The following SLU7 variants were observed in gnomAD, a reference collection of about 807,000 sequenced individuals.
SLU7 encodes spliceosome associated SLU7, also known as pre-mRNA-splicing factor SLU7.
Under a neutral mutation model 87.0 loss-of-function variants are expected in SLU7, and 60 were observed. The observed-to-expected ratio is 0.69, with a 90% CI of 0.56 to 0.86. The LOEUF (loss-of-function observed/expected upper bound fraction) is 0.86, where lower values mean the gene tolerates loss of function less well. Ranked by LOEUF, SLU7 falls within the 40% of genes least tolerant of loss-of-function variation. The probability of loss-of-function intolerance (pLI) is 0.00; values close to 1 mark genes in which losing one functional copy is unlikely to be tolerated. For missense variants in SLU7, 507 were observed against 686.6 expected (o/e 0.74, Z 2.92); for synonymous variants, 197 against 222.0 (o/e 0.89, Z 1.00).
rs756830938 is a variant in SLU7, at chr5:160,404,502, T to G, written c.1519A>C (p.Lys507Gln). The G allele has an allele frequency of 2.6e-5, 42 of 1,611,808 alleles. No homozygotes were observed. The highest frequency in any genetic ancestry group is 6.7e-5 in the Admixed American group (4 of 59,902). The change falls in exon 15 of 16, where the codon AAG (lysine) becomes CAG (glutamine). Residue 507 changes from lysine (K) to glutamine (Q), a missense_variant. By Grantham distance (53) the Lys-to-Gln change is moderately conservative. This residue lies in a region of SLU7 where 201 missense variants were observed against 213.4 expected (regional missense o/e 0.94). Coordinates refer to ENST00000297151, the MANE Select transcript of SLU7 (RefSeq NM_006425.5). ...CTATCTGAACTGCTCTTTCGATGCT[T>G]CTTCTTTTTCTTTTTCTTCTTCTTC... ...EKKKKKKKKK[K>Q]HRKSSSDSDD...
At chr5:160,412,890 T>C (rs1359945254) in intron 5 of SLU7, among the ~76,000 whole-genome samples, 2 of 152,012 alleles carry the variant, frequency 1.3e-5, no homozygotes, top group East Asian at 3.9e-4. Context: ...CAAGAAAAGA[T>C]GAAATCCAGA....
Position 160,415,301 on chromosome 5 carries a change from C to T in SLU7, c.-7G>A, listed in dbSNP as rs749609156. 17 of 1,559,366 alleles carry T rather than the reference C, an allele frequency of 1.1e-5. No homozygotes were observed. The highest frequency in any genetic ancestry group is 1.7e-4 in the Middle Eastern group (1 of 5,862). On this transcript the variant is annotated 5_prime_UTR_variant, in exon 2 of 16. Transcript: ENST00000297151. ...CTACAACTGTGGCTGACATGGTTAT[C>T]TGGCCTCCTCTAGGAAAAGAAGTGA...
At chr5:160,411,411 G>A (rs999611248) in intron 6 of SLU7, among the ~76,000 whole-genome samples, 1 of 151,904 alleles carries the variant, frequency 6.6e-6, no homozygotes, top group Non-Finnish European at 1.5e-5. Flanking sequence ...TAAAGATGAG[G>A]TTTCACCATG....
intron 1 of SLU7, among the ~76,000 whole-genome samples, chr5:160,415,623 G>A (rs1561564805): frequency 6.6e-6 from 1 of 152,058 alleles, no homozygotes; most frequent in African/African-American, 2.4e-5. Flanking sequence ...AACTCTTAAT[G>A]AGAGAAAAGA....
In SLU7 at chr5:160,408,643, G is replaced by GT. The variant is rs1765105257; in HGVS notation, c.687+6dup. On this transcript the variant is annotated splice_region_variant and intron_variant, in intron 7 of 15. Coordinates refer to ENST00000297151, the MANE Select transcript of SLU7 (RefSeq NM_006425.5). ...ACATATACTCAGAGACAGCAAATAT[G>GT]TATTACCATCTGAGAATTTGGTTCC... The GT allele has an allele frequency of 2.0e-6, 3 of 1,534,858 alleles. No individual in the cohort carries two copies. In the South Asian group the frequency reaches 3.5e-5, roughly 18 times the overall value.
rs988445039 is a variant in SLU7, at chr5:160,412,853, C to T, written c.571-334G>A. On this transcript the variant is annotated intron_variant, in intron 5 of 15. Coordinates refer to ENST00000297151, the MANE Select transcript of SLU7 (RefSeq NM_006425.5). Reference sequence around the variant, plus strand: ...AGATGACTGACTCTTACCAGGCAGGCGTGGGGTTACCATATATTACAATAT... The same window carrying T: ...AGATGACTGACTCTTACCAGGCAGGTGTGGGGTTACCATATATTACAATAT... 5.3e-5 allele frequency among the ~76,000 whole-genome samples: 8 copies of T among 151,756 alleles called. No homozygotes were observed. In the South Asian group the frequency reaches 6.2e-4, roughly 12 times the overall value.
At chr5:160,418,353 G>C (rs1765541916) in intron 1 of SLU7, among the ~76,000 whole-genome samples, 1 of 152,102 alleles carries the variant, frequency 6.6e-6, no homozygotes, top group Non-Finnish European at 1.5e-5. Context: ...TAAGAAATAA[G>C]GACTTCAAAC....
At chr5:160,410,643 G>T (rs759365080) in intron 6 of SLU7, among the ~76,000 whole-genome samples, 1 of 152,032 alleles carries the variant, frequency 6.6e-6, no homozygotes, top group Non-Finnish European at 1.5e-5. Context: ...CCTTACTGGG[G>T]AAATAAATTA....
In SLU7 at chr5:160,402,442, A is replaced by C. The variant is rs1764821044; in HGVS notation, c.*843T>G. ...GAAGAGAGAATCGCTTGAGCCCAAG[A>C]CTGCAGGGCATTATGACTTTGTCTG... On this transcript the variant is annotated 3_prime_UTR_variant, in exon 16 of 16. Coordinates refer to ENST00000297151, the MANE Select transcript of SLU7 (RefSeq NM_006425.5). 6.6e-6 allele frequency: 1 copy of C among 152,194 alleles called. No homozygotes were observed. The highest frequency in any genetic ancestry group is 6.5e-5 in the Admixed American group (1 of 15,282). The allele number at this position is 152,194 out of a possible 1,614,324, so 9.4% of individuals were successfully genotyped here. A position where few individuals can be genotyped will look rare whatever the true frequency, so the allele number is the denominator to read the frequency against.
At chr5:160,413,835 T>G in intron 4 of SLU7, 64 bp downstream of exon 4, 2 of 1,209,648 alleles carry the variant, frequency 1.7e-6, no homozygotes, top group Non-Finnish European at 2.4e-6. Context: ...AGAAGTTAGC[T>G]CTCTGACAAA....
chr5:160,414,027 T>C (rs1288833062), intron 3 of SLU7, 48 bp from the exon 4 acceptor site: 2 of 1,174,576 alleles, frequency 1.7e-6, no homozygotes, highest in Admixed American at 2.4e-5. Context: ...CCACGTAAGT[T>C]AGAAATAACT....
chr5:160,404,651 A>C (rs906774748), intron 14 of SLU7, 95 bp from the exon 15 acceptor site: 39 of 953,160 alleles, frequency 4.1e-5, no homozygotes, highest in Non-Finnish European at 5.3e-5. Flanking sequence ...ACTTGAACCC[A>C]GGAGGCGGAA....
At chr5:160,405,819 C>G (rs1387084732) in intron 12 of SLU7, among the ~76,000 whole-genome samples, 1 of 152,068 alleles carries the variant, frequency 6.6e-6, no homozygotes, top group Non-Finnish European at 1.5e-5. Flanking sequence ...AATTTACAAA[C>G]TAATTGGCCT....
intron 4 of SLU7, 102 bp from the exon 5 acceptor site, chr5:160,413,722 TAC>T: frequency 7.0e-6 from 8 of 1,134,968 alleles, no homozygotes; most frequent in African/African-American, 6.3e-5. Flanking sequence ...CTATTCAATT[TAC>T]AGTTAGTCTT....
intron 1 of SLU7, among the ~76,000 whole-genome samples, chr5:160,417,661 G>A (rs968272896): frequency 4.6e-5 from 7 of 151,962 alleles, no homozygotes; most frequent in East Asian, 1.9e-4. Flanking sequence ...GCGTGGTGGC[G>A]TGCACCTGTA....
intron 6 of SLU7, among the ~76,000 whole-genome samples, chr5:160,409,504 T>C (rs1014015137): frequency 9.9e-5 from 15 of 152,202 alleles, no homozygotes; most frequent in African/African-American, 3.6e-4. Flanking sequence ...TAAATCTGCA[T>C]GGCTTTTCTG....
chr5:160,404,979 C>T, intron 13 of SLU7, 52 bp downstream of exon 13: 1 of 1,542,274 alleles, frequency 6.5e-7, no homozygotes, highest in Non-Finnish European at 9.0e-7. Context: ...TTTAGTTTGA[C>T]TTAGGAGCTT....
chr5:160,413,825 A>G (rs1268519246), intron 4 of SLU7, 74 bp downstream of exon 4: 1 of 1,155,140 alleles, frequency 8.7e-7, no homozygotes, highest in Non-Finnish European at 1.3e-6. Flanking sequence ...TCAGAAAAAG[A>G]GAAGTTAGCT....
intron 1 of SLU7, among the ~76,000 whole-genome samples, chr5:160,415,796 C>A (rs1765427738): frequency 6.6e-6 from 1 of 152,172 alleles, no homozygotes; most frequent in East Asian, 1.9e-4. Flanking sequence ...TCATCAAGGA[C>A]CATTGTGCTA....
Sources: allele counts gnomAD v4.1 joint callset (sites outside exome capture counted in the v4.1 genomes callset), GRCh38; gene constraint gnomAD v4.1.1; regional missense constraint gnomAD v4.1.1; transcripts MANE v1.5; gene names NCBI Gene and HGNC (gene_info 2026-07-23, HGNC 2026-07-21).